CTPS2: variants seen among roughly 807,000 people sequenced by gnomAD.
The protein encoded by CTPS2 is CTP synthase 2, also known as CTP synthase II.
Under a neutral mutation model 46.8 loss-of-function variants are expected in CTPS2, and 19 were observed. The observed-to-expected ratio is 0.41, with a 90% CI of 0.28 to 0.60. The LOEUF (loss-of-function observed/expected upper bound fraction) is 0.60, where lower values mean the gene tolerates loss of function less well. Ranked by LOEUF, CTPS2 falls within the 20% of genes least tolerant of loss-of-function variation. The pLI, the probability that CTPS2 is intolerant of heterozygous loss-of-function variation, is 0.35. For synonymous variants in CTPS2, 151 were observed against 165.2 expected (o/e 0.91, Z 0.66); for missense variants, 286 against 447.6 (o/e 0.64, Z 3.26).
intron 9 of CTPS2, among the ~76,000 whole-genome samples, chrX:16,679,541 C>G (rs959640826): frequency 2.7e-5 from 3 of 110,765 alleles, no homozygotes; most frequent in African/African-American, 9.8e-5. Context: ...GGCTGAGAAG[C>G]CATGACACAG....
intron 16 of CTPS2, among the ~76,000 whole-genome samples, chrX:16,610,990 T>C (rs1408973849): frequency 8.9e-6 from 1 of 111,762 alleles, no homozygotes; most frequent in Non-Finnish European, 1.9e-5. Context: ...AAACATTGGG[T>C]ACTTATGGAC....
At chrX:16,603,991 G>A (rs1183668125) in intron 17 of CTPS2, among the ~76,000 whole-genome samples, 4 of 111,268 alleles carry the variant, frequency 3.6e-5, no homozygotes, top group Middle Eastern at 4.6e-3. Flanking sequence ...AAGAGGAAAC[G>A]GAAGGAACTG....
At chrX:16,651,100 C>T (rs1932601281) in intron 13 of CTPS2, 11 of 1,192,857 alleles carry the variant, frequency 9.2e-6, no homozygotes, top group Non-Finnish European at 1.2e-5. Context: ...AAAGGATGAA[C>T]TGAAGCTATT....
At chrX:16,676,926 G>T (rs1240492894) in intron 10 of CTPS2, among the ~76,000 whole-genome samples, 1 of 110,420 alleles carries the variant, frequency 9.1e-6, no homozygotes, top group Non-Finnish European at 1.9e-5. Context: ...AGGCATGGTA[G>T]CGCGTGCCTG....
At chrX:16,593,830 T>C (rs1174105634) in intron 17 of CTPS2, among the ~76,000 whole-genome samples, 1 of 110,496 alleles carries the variant, frequency 9.1e-6, no homozygotes, top group African/African-American at 3.3e-5. Flanking sequence ...ACTTAGACTT[T>C]AGTTCAGAGA....
At position 16,609,633 on chromosome X, in the gene CTPS2, C is replaced by T. The variant is rs1048392; in HGVS notation, c.1599G>A (p.Pro533=). Reference sequence around the variant, plus strand: ...CCAGATACGGAGGGGAAGGCTTCATCGGCCTAGAAGAAAACTCAGGATGGA... The same window carrying T: ...CCAGATACGGAGGGGAAGGCTTCATTGGCCTAGAAGAAAACTCAGGATGGA... ...VQFHPEFSSR[P]MKPSPPYLGL... The change falls in exon 17 of 19, where the codon CCG becomes CCA. Residue 533 remains proline, a synonymous_variant. Coordinates refer to ENST00000359276, the MANE Select transcript of CTPS2 (RefSeq NM_175859.3). 0.03 allele frequency: 36,716 copies of T among 1,208,550 alleles called. 1,283 individuals are homozygous for T. The highest frequency in any genetic ancestry group is 0.18 in the African/African-American group (10,453 of 56,828).
At chrX:16,705,203 G>A (rs1924901690) in intron 1 of CTPS2, among the ~76,000 whole-genome samples, 3 of 110,892 alleles carry the variant, frequency 2.7e-5, no homozygotes, top group South Asian at 3.8e-4. Context: ...GCAACAGAGC[G>A]AGACTCTGTC....
chrX:16,597,465 C>T (rs146952410), intron 17 of CTPS2, among the ~76,000 whole-genome samples: 1 of 111,458 alleles, frequency 9.0e-6, no homozygotes, highest in Non-Finnish European at 1.9e-5. Context: ...TTTCCCCATT[C>T]CTTGTTTTTC....
chrX:16,709,427 C>CAA (rs776924145), intron 1 of CTPS2, among the ~76,000 whole-genome samples: 3 of 54,126 alleles, frequency 5.5e-5, no homozygotes, highest in Admixed American at 4.1e-4. Flanking sequence ...AACCGTGTCT[C>CAA]AAAAAAAAAA....
chrX:16,598,372 G>A (rs1929417785), intron 17 of CTPS2, among the ~76,000 whole-genome samples: 1 of 110,570 alleles, frequency 9.0e-6, no homozygotes, highest in Non-Finnish European at 1.9e-5. Flanking sequence ...ATGATAAAGG[G>A]GATATCACCA....
intron 13 of CTPS2, among the ~76,000 whole-genome samples, chrX:16,641,981 G>C (rs1932100294): frequency 8.9e-6 from 1 of 111,829 alleles, no homozygotes; most frequent in East Asian, 2.8e-4. Context: ...TAGCAACATG[G>C]AGACAAACAC....
At chrX:16,657,580 T>TG (rs780295338) in intron 13 of CTPS2, among the ~76,000 whole-genome samples, 139 of 111,056 alleles carry the variant, frequency 1.3e-3, no homozygotes, top group African/African-American at 3.9e-3. Flanking sequence ...ACTGGGCAGA[T>TG]GGGGGGGCAG....
chrX:16,693,311 T>C, intron 5 of CTPS2, 60 bp downstream of exon 5: 2 of 1,056,668 alleles, frequency 1.9e-6, no homozygotes, highest in Middle Eastern at 2.5e-4. Context: ...GCAGGACACA[T>C]AGAATATCAT....
chrX:16,599,328 A>T (rs1219815907), intron 17 of CTPS2, among the ~76,000 whole-genome samples: 2 of 110,184 alleles, frequency 1.8e-5, no homozygotes, highest in East Asian at 2.8e-4. Flanking sequence ...AATCATGAAA[A>T]CTCTCTTTTT....
At chrX:16,615,788 C>T (rs1265248744) in intron 16 of CTPS2, among the ~76,000 whole-genome samples, 3 of 111,914 alleles carry the variant, frequency 2.7e-5, no homozygotes, top group Non-Finnish European at 5.6e-5. Flanking sequence ...TTCCTGAAGA[C>T]TAAAGTGTCA....
chrX:16,671,640 G>A (rs768411519), intron 10 of CTPS2, among the ~76,000 whole-genome samples: 9 of 103,204 alleles, frequency 8.7e-5, no homozygotes, highest in South Asian at 9.5e-4. Flanking sequence ...TCAGCCTCCC[G>A]AGTAGCTGGG....
At chrX:16,629,062 A>G (rs1300388036) in intron 14 of CTPS2, among the ~76,000 whole-genome samples, 1 of 112,206 alleles carries the variant, frequency 8.9e-6, no homozygotes, top group East Asian at 2.8e-4. Context: ...TGGTGCGGGT[A>G]AGTAGCTCCA....
At chrX:16,711,516 A>AT (rs1387436495) in intron 1 of CTPS2, 1 of 111,087 alleles carries the variant, frequency 9.0e-6, no homozygotes, top group East Asian at 2.8e-4. Flanking sequence ...TACTTACCTG[A>AT]TGATCTTGTT....
At position 16,617,215 on chromosome X, in the gene CTPS2, T is replaced by C; in HGVS notation, c.1481A>G (p.Gln494Arg). Residue 494 changes from glutamine to arginine, a missense_variant, in exon 16 of 19, where the codon CAG (glutamine) becomes CGG (arginine). Transcript: ENST00000359276. ...VNPNLIKQFE[Q>R]NDLSFVGQDV... ...CTGACCTACAAAACTTAAGTCATTC[T>C]GCTCAAATTGTTTGATCAGGTTAGG... is the stretch of plus-strand genomic sequence containing the variant. 3 of 1,210,591 alleles carry C rather than the reference T, an allele frequency of 2.5e-6. No homozygotes were observed. The highest frequency in any genetic ancestry group is 3.4e-6 in the Non-Finnish European group (3 of 894,604).
Sources: gnomAD v4.1 joint callset for allele counts (sites outside exome capture counted in the v4.1 genomes callset) on GRCh38, gnomAD v4.1.1 for gene constraint, MANE v1.5 for transcripts, NCBI Gene and HGNC (gene_info 2026-07-23, HGNC 2026-07-21) for gene names.